Variants in SAMD4A observed in about 807,000 individuals in gnomAD.
SAMD4A encodes sterile alpha motif domain containing 4A.
In SAMD4A, 33 loss-of-function variants were observed where a neutral mutation model predicts 81.3. The observed-to-expected ratio is 0.41, with a 90% CI of 0.31 to 0.54. The LOEUF is 0.54. Among genes scored for constraint, SAMD4A ranks in the 20% least tolerant of loss-of-function variants. The pLI is 0.37. For missense variants in SAMD4A, 854 were observed against 951.1 expected (o/e 0.90, Z 1.34); for synonymous variants, 389 against 382.1 (o/e 1.02, Z -0.21).
intron 2 of SAMD4A, among the ~76,000 whole-genome samples, chr14:54,695,938 T>A (rs1186797737): frequency 8.7e-6 from 1 of 115,414 alleles, no homozygotes; most frequent in Non-Finnish European, 1.7e-5. Context: ...GGTGACGGAG[T>A]GAGACTCCAT....
chr14:54,773,762 C>T (rs1054324361), intron 9 of SAMD4A, among the ~76,000 whole-genome samples: 1 of 152,140 alleles, frequency 6.6e-6, no homozygotes, highest in Non-Finnish European at 1.5e-5. Context: ...GACCTTATAT[C>T]CCTCGCCCCA....
chr14:54,673,732 C>G (rs1445100013), intron 2 of SAMD4A, among the ~76,000 whole-genome samples: 1 of 152,238 alleles, frequency 6.6e-6, no homozygotes, highest in Non-Finnish European at 1.5e-5. Context: ...ATCTACAGGG[C>G]CTTAGGCAGC....
At chr14:54,586,225 A>G (rs995867232) in intron 2 of SAMD4A, among the ~76,000 whole-genome samples, 6 of 152,158 alleles carry the variant, frequency 3.9e-5, no homozygotes, top group Admixed American at 6.5e-5. Flanking sequence ...GGCCATTTGT[A>G]TATCTTCTTT....
rs548362098 is a variant in SAMD4A, at chr14:54,607,327, A to T, written c.196+39215A>T. On this transcript the variant is annotated intron_variant, in intron 2 of 12. Transcript: ENST00000554335. ...TAAGGCTGTGAGGAGACAGGAATGT[A>T]TTGGAAAATGCCTCTAGTCAGGAGA... Among the ~76,000 whole-genome samples, 5 of 152,272 alleles carry T rather than the reference A, an allele frequency of 3.3e-5. No individual in the cohort carries two copies. The East Asian group carries it at 9.7e-4, about 29-fold the overall frequency.
At chr14:54,605,697 C>G (rs1335993438) in intron 2 of SAMD4A, among the ~76,000 whole-genome samples, 1 of 151,758 alleles carries the variant, frequency 6.6e-6, no homozygotes, top group Non-Finnish European at 1.5e-5. Context: ...CTGTATTGCT[C>G]CATTGTTTGG....
chr14:54,590,701 T>G (rs866500736), intron 2 of SAMD4A, among the ~76,000 whole-genome samples: 6 of 152,142 alleles, frequency 3.9e-5, no homozygotes, highest in Admixed American at 3.3e-4. Flanking sequence ...TTCATGACCT[T>G]CCCATGAGTG....
chr14:54,757,741 C>G (rs950057602), intron 6 of SAMD4A, among the ~76,000 whole-genome samples: 5 of 152,178 alleles, frequency 3.3e-5, no homozygotes, highest in Non-Finnish European at 7.4e-5. Context: ...CCTCTCTTTT[C>G]CCTTCCCCTC....
intron 2 of SAMD4A, among the ~76,000 whole-genome samples, chr14:54,667,704 C>T (rs1396030458): frequency 6.6e-6 from 1 of 152,220 alleles, no homozygotes; most frequent in Non-Finnish European, 1.5e-5. Flanking sequence ...ATTTGTTTCA[C>T]CAGTAACTCA....
chr14:54,769,993 TGAA>T, intron 8 of SAMD4A, 108 bp from the exon 9 acceptor site: 2 of 711,128 alleles, frequency 2.8e-6, no homozygotes, highest in Non-Finnish European at 4.9e-6. Flanking sequence ...TAGAAACAGG[TGAA>T]GAAAAGGCAA....
chr14:54,699,488 C>T (rs905472531), intron 2 of SAMD4A, among the ~76,000 whole-genome samples: 8 of 152,142 alleles, frequency 5.3e-5, no homozygotes, highest in African/African-American at 1.9e-4. Flanking sequence ...GGCTTCTAAG[C>T]TCTTCAGCTG....
intron 2 of SAMD4A, among the ~76,000 whole-genome samples, chr14:54,623,129 G>T (rs139964540): frequency 2.2e-4 from 33 of 152,164 alleles, no homozygotes; most frequent in African/African-American, 7.2e-4. Context: ...TATCCCCCAG[G>T]GACTCTCCTT....
chr14:54,608,235 A>C (rs1245070365), intron 2 of SAMD4A, among the ~76,000 whole-genome samples: 1 of 152,144 alleles, frequency 6.6e-6, no homozygotes. Context: ...GGGGATGATC[A>C]TAATATTTTC....
intron 4 of SAMD4A, among the ~76,000 whole-genome samples, chr14:54,741,205 G>A (rs893701981): frequency 6.6e-6 from 1 of 152,224 alleles, no homozygotes; most frequent in Admixed American, 6.5e-5. Flanking sequence ...TGAGTGGAAT[G>A]TGCTCTGTTG....
intron 2 of SAMD4A, among the ~76,000 whole-genome samples, chr14:54,648,826 G>A (rs1387436033): frequency 6.6e-6 from 1 of 152,200 alleles, no homozygotes; most frequent in East Asian, 1.9e-4. Flanking sequence ...CACTCTGAAT[G>A]CGGCACAGAG....
chr14:54,698,915 G>C (rs888911244), intron 2 of SAMD4A, among the ~76,000 whole-genome samples: 2 of 150,962 alleles, frequency 1.3e-5, no homozygotes, highest in Non-Finnish European at 3.0e-5. Context: ...TTTATGTTTT[G>C]TTTTTGTTGC....
chr14:54,629,727 G>T (rs2034847840), intron 2 of SAMD4A, among the ~76,000 whole-genome samples: 1 of 152,040 alleles, frequency 6.6e-6, no homozygotes, highest in African/African-American at 2.4e-5. Context: ...GTACAGTTCA[G>T]TGGTATGAAG....
intron 2 of SAMD4A, among the ~76,000 whole-genome samples, chr14:54,678,235 T>G (rs1157048721): frequency 1.3e-5 from 2 of 152,188 alleles, no homozygotes; most frequent in Non-Finnish European, 2.9e-5. Flanking sequence ...TAGCAAGGCC[T>G]GTTTGTTCAG....
At chr14:54,783,223 TCTA>T (rs1227936198) in intron 11 of SAMD4A, among the ~76,000 whole-genome samples, 1 of 151,906 alleles carries the variant, frequency 6.6e-6, no homozygotes, top group African/African-American at 2.4e-5. Context: ...TTCTACTTCT[TCTA>T]CTTTCTCTTT....
chr14:54,740,363 A>C (rs1298213071), intron 4 of SAMD4A, among the ~76,000 whole-genome samples: 1 of 152,228 alleles, frequency 6.6e-6, no homozygotes, highest in Non-Finnish European at 1.5e-5. Context: ...TAATGCTATT[A>C]TTCTAATCGT....
Sources: allele counts gnomAD v4.1 joint callset (sites outside exome capture counted in the v4.1 genomes callset), GRCh38; gene constraint gnomAD v4.1.1; transcripts MANE v1.5; gene names NCBI Gene and HGNC (gene_info 2026-07-23, HGNC 2026-07-21).